Variants in KHDRBS2 observed in about 807,000 individuals in gnomAD.
The protein encoded by KHDRBS2 is KH RNA binding domain containing, signal transduction associated 2, also known as KH domain-containing, RNA-binding, signal transduction-associated protein 2.
KHDRBS2 carries 26 observed loss-of-function variants against 44.3 expected under a neutral mutation model. The observed-to-expected ratio is 0.59, with a 90% CI of 0.43 to 0.81. The LOEUF (loss-of-function observed/expected upper bound fraction) is 0.81, where lower values mean the gene tolerates loss of function less well. KHDRBS2 is among the 40% of genes least tolerant of loss of function. The pLI, the probability that KHDRBS2 is intolerant of heterozygous loss-of-function variation, is 0.00. For missense variants in KHDRBS2, 476 were observed against 433.1 expected (o/e 1.10, Z -0.88); for synonymous variants, 194 against 151.1 (o/e 1.28, Z -2.08).
the KHDRBS2 span, among the ~76,000 whole-genome samples, chr6:61,636,233 A>G: frequency 1.3e-5 from 2 of 152,070 alleles, no homozygotes; most frequent in Non-Finnish European, 2.9e-5. Context: ...AATGAGAAAC[A>G]TCCTCTTTAC....
chr6:62,230,851 ATAACC>A (rs1315112811), intron 1 of KHDRBS2, among the ~76,000 whole-genome samples: 1 of 152,194 alleles, frequency 6.6e-6, no homozygotes, highest in Admixed American at 6.5e-5. Flanking sequence ...TTTTTACTTA[ATAACC>A]TATGATGACC....
intron 1 of KHDRBS2, among the ~76,000 whole-genome samples, chr6:62,232,354 T>C (rs547999833): frequency 2.0e-5 from 3 of 152,298 alleles, no homozygotes; most frequent in African/African-American, 7.2e-5. Flanking sequence ...ATAAGTCTAA[T>C]TGTCCTCTCC....
intron 1 of KHDRBS2, among the ~76,000 whole-genome samples, chr6:62,229,910 GCCT>G (rs999641631): frequency 6.6e-6 from 1 of 152,192 alleles, no homozygotes; most frequent in Admixed American, 6.5e-5. Context: ...TTTGATGGGA[GCCT>G]CCAATCTCTG....
chr6:61,618,329 C>A, the KHDRBS2 span, among the ~76,000 whole-genome samples: 2 of 152,000 alleles, frequency 1.3e-5, no homozygotes, highest in East Asian at 3.8e-4. Flanking sequence ...TTCTTTAGGC[C>A]GCATGCATGA....
Position 62,010,914 on chromosome 6 carries a change from AG to A in KHDRBS2, c.337-32703del, listed in dbSNP as rs1364972299. ...GAAAAACCTATCAGCAAATAAAATT[AG>A]GGCCCAAACATTCCACCTCCTGTAT... On this transcript the variant is annotated intron_variant, in intron 3 of 8. Transcript: ENST00000281156. 2.6e-5 allele frequency among the ~76,000 whole-genome samples: 4 copies of A among 152,162 alleles called. No individual in the cohort carries two copies. In the East Asian group the frequency reaches 7.7e-4, roughly 29 times the overall value.
chr6:61,826,288 G>C (rs1325997324), intron 6 of KHDRBS2, among the ~76,000 whole-genome samples: 1 of 152,010 alleles, frequency 6.6e-6, no homozygotes, highest in African/African-American at 2.4e-5. Context: ...TTAACACCTG[G>C]CTTTCTCCTA....
chr6:61,797,482 T>C, intron 6 of KHDRBS2, among the ~76,000 whole-genome samples: 1 of 152,142 alleles, frequency 6.6e-6, no homozygotes. Context: ...TCAATCATTT[T>C]CATCCCAAAA....
intron 6 of KHDRBS2, among the ~76,000 whole-genome samples, chr6:61,827,315 G>A (rs946797928): frequency 9.2e-5 from 14 of 152,150 alleles, no homozygotes; most frequent in African/African-American, 3.4e-4. Context: ...GTGATCCCCC[G>A]ACTAACTTTG....
intron 3 of KHDRBS2, among the ~76,000 whole-genome samples, chr6:61,994,051 G>A (rs1294795313): frequency 6.6e-6 from 1 of 152,050 alleles, no homozygotes; most frequent in East Asian, 1.9e-4. Flanking sequence ...TGTTTACCTC[G>A]CTGCCTGCTG....
chr6:61,797,723 TTTTG>T lies in KHDRBS2; in HGVS notation c.811-64963_811-64960del, dbSNP rs1202848023. Among the ~76,000 whole-genome samples the T allele has an allele frequency of 5.7e-3, 737 of 130,378 alleles. 10 individuals carry two copies. The highest frequency in any genetic ancestry group is 0.02 in the East Asian group (93 of 4,590). The allele number at this position is 130,378 out of a possible 152,430, so 85.5% of individuals were successfully genotyped here. A position where few individuals can be genotyped will look rare whatever the true frequency, so the allele number is the denominator to read the frequency against. ...TAACTGATACTGTGTCAGTATGGTG[TTTTG>T]TGTGTGTGTGTGTGTGTGTGTGTGT... On this transcript the variant is annotated intron_variant, in intron 6 of 8. Transcript: ENST00000281156.
chr6:62,210,782 C>G (rs910265787), intron 1 of KHDRBS2, among the ~76,000 whole-genome samples: 9 of 151,812 alleles, frequency 5.9e-5, no homozygotes, highest in African/African-American at 2.2e-4. Flanking sequence ...ATAACATAAT[C>G]ATTAATTTAA....
chr6:61,755,702 T>C (rs2127570507), intron 6 of KHDRBS2, among the ~76,000 whole-genome samples: 1 of 151,352 alleles, frequency 6.6e-6, no homozygotes, highest in South Asian at 2.1e-4. Flanking sequence ...TCCTAGCTAC[T>C]TGGGAGGAAG....
At chr6:61,564,413 G>A in the KHDRBS2 span, among the ~76,000 whole-genome samples, 9 of 151,978 alleles carry the variant, frequency 5.9e-5, no homozygotes, top group East Asian at 9.6e-4. Context: ...TCCTCCAGGT[G>A]GGGCCAGCTT....
intron 6 of KHDRBS2, among the ~76,000 whole-genome samples, chr6:61,739,509 A>T (rs2127563351): frequency 6.6e-6 from 1 of 151,936 alleles, no homozygotes; most frequent in South Asian, 2.1e-4. Flanking sequence ...TAAATAAATA[A>T]AATGCTCTGA....
At chr6:61,884,858 A>G (rs759830076) in intron 6 of KHDRBS2, among the ~76,000 whole-genome samples, 3 of 152,050 alleles carry the variant, frequency 2.0e-5, no homozygotes, top group Non-Finnish European at 2.9e-5. Flanking sequence ...CCCCCCATAG[A>G]GATGTGTATT....
At chr6:62,159,679 A>G (rs533455479) in intron 2 of KHDRBS2, among the ~76,000 whole-genome samples, 12 of 152,316 alleles carry the variant, frequency 7.9e-5, no homozygotes, top group Non-Finnish European at 1.6e-4. Context: ...GTTGACCGCA[A>G]GACTTACTGA....
At chr6:61,596,097 A>G in the KHDRBS2 span, among the ~76,000 whole-genome samples, 29 of 152,236 alleles carry the variant, frequency 1.9e-4, no homozygotes, top group Admixed American at 5.2e-4. Flanking sequence ...GGTGCTGTAG[A>G]CACACCTCTC....
intron 6 of KHDRBS2, among the ~76,000 whole-genome samples, chr6:61,866,973 C>G (rs1397862575): frequency 6.6e-6 from 1 of 152,166 alleles, no homozygotes; most frequent in Non-Finnish European, 1.5e-5. Flanking sequence ...AAGTTCCAAA[C>G]TTTCCCACAT....
At chr6:61,616,148 A>G in the KHDRBS2 span, among the ~76,000 whole-genome samples, 12 of 152,196 alleles carry the variant, frequency 7.9e-5, no homozygotes, top group Non-Finnish European at 1.3e-4. Flanking sequence ...TGTCTCCTGA[A>G]CTAGCAGCAT....
Sources: gnomAD v4.1 joint callset for allele counts (sites outside exome capture counted in the v4.1 genomes callset) on GRCh38, gnomAD v4.1.1 for gene constraint, MANE v1.5 for transcripts, NCBI Gene and HGNC (gene_info 2026-07-23, HGNC 2026-07-21) for gene names.